ARSG: variants seen among roughly 807,000 people sequenced by gnomAD.
The protein encoded by ARSG is arylsulfatase G.
ARSG carries 37 observed loss-of-function variants against 50.5 expected under a neutral mutation model. The observed-to-expected ratio is 0.73, with a 90% CI of 0.56 to 0.96. The LOEUF (loss-of-function observed/expected upper bound fraction) is 0.96. ARSG is among the 50% of genes least tolerant of loss of function. ARSG has a pLI of 0.00. For synonymous variants in ARSG, 225 were observed against 254.6 expected, an observed-to-expected ratio of 0.88 and a Z score of 1.11; for missense variants, 629 against 675.3, an observed-to-expected ratio of 0.93 and a Z score of 0.76.
Position 68,271,872 on chromosome 17 carries a change from A to T in ARSG, c.-552+12446A>T, listed in dbSNP as rs1489366663. On this transcript the variant is annotated intron_variant, in intron 1 of 11. Transcript: ENST00000448504. This position sits in a 1 kb window ranked among gnomAD's most constrained non-coding sequence, Gnocchi z 5.3. ...GGCTGGAGTGCAGTGGCCTGATCTC[A>T]GCTCACCGCAACCTCCACCTCCCGG... Among the ~76,000 whole-genome samples, 1 of 152,090 alleles carries T rather than the reference A, an allele frequency of 6.6e-6. No individual in the cohort carries two copies. Among genetic ancestry groups the T allele is most frequent in the Non-Finnish European group, 1.5e-5 (1 of 68,022 alleles).
chr17:68,407,849 G>A (rs1243148574), intron 11 of ARSG, among the ~76,000 whole-genome samples: 7 of 151,904 alleles, frequency 4.6e-5, no homozygotes, highest in African/African-American at 1.7e-4. Flanking sequence ...CCCTTTTACT[G>A]ATTTGAATGC....
chr17:68,320,273 G>C (rs1300543630), intron 2 of ARSG, among the ~76,000 whole-genome samples: 1 of 151,214 alleles, frequency 6.6e-6, no homozygotes, highest in Admixed American at 6.6e-5. Context: ...CTAGGTGACA[G>C]AGCAAGACTC....
chr17:68,280,043 A>G (rs933584854), intron 1 of ARSG, among the ~76,000 whole-genome samples: 1 of 152,000 alleles, frequency 6.6e-6, no homozygotes, highest in African/African-American at 2.4e-5. Flanking sequence ...TTAGCTGGGC[A>G]TGGTGGCAGG....
At chr17:68,322,135 A>T (rs561240055) in intron 2 of ARSG, among the ~76,000 whole-genome samples, 1 of 152,216 alleles carries the variant, frequency 6.6e-6, no homozygotes, top group East Asian at 1.9e-4. Context: ...CGCTTAAGTG[A>T]TTACATGAAG....
chr17:68,341,650 T>TA, intron 2 of ARSG, among the ~76,000 whole-genome samples: 1 of 152,344 alleles, frequency 6.6e-6, no homozygotes, highest in African/African-American at 2.4e-5. Context: ...GGGTCTTAAT[T>TA]ACATGCCATT....
chr17:68,387,698 A>C (rs1429055235), intron 9 of ARSG, among the ~76,000 whole-genome samples: 1 of 152,176 alleles, frequency 6.6e-6, no homozygotes, highest in Non-Finnish European at 1.5e-5. Flanking sequence ...CTCCGCCCAG[A>C]CTGCATATCA....
At chr17:68,269,095 G>T (rs782170225) in intron 1 of ARSG, 3 of 1,526,682 alleles carry the variant, frequency 2.0e-6, no homozygotes, top group Non-Finnish European at 2.6e-6. Context: ...AAGAAAGTGT[G>T]TCATACCGGC....
intron 2 of ARSG, among the ~76,000 whole-genome samples, chr17:68,341,031 A>T (rs1049158034): frequency 6.6e-6 from 1 of 152,210 alleles, no homozygotes; most frequent in African/African-American, 2.4e-5. Flanking sequence ...ACCATATCAC[A>T]TAAAATCGTT....
At chr17:68,446,517 T>C in the ARSG span, among the ~76,000 whole-genome samples, 1 of 152,200 alleles carries the variant, frequency 6.6e-6, no homozygotes, top group South Asian at 2.1e-4. Flanking sequence ...GTCGTAGGTC[T>C]GAGACTGGGG....
chr17:68,303,637 A>T (rs1555762826), intron 1 of ARSG, among the ~76,000 whole-genome samples: 1 of 151,946 alleles, frequency 6.6e-6, no homozygotes, highest in Non-Finnish European at 1.5e-5. Flanking sequence ...TTTAGTAGAG[A>T]TGGGGCTTCA....
chr17:68,314,566 G>A (rs1599681788), intron 2 of ARSG, among the ~76,000 whole-genome samples: 1 of 151,430 alleles, frequency 6.6e-6, no homozygotes, highest in South Asian at 2.1e-4. Flanking sequence ...TGTAAACCAG[G>A]TGTGGTGTTG....
At chr17:68,397,045 C>T (rs539290501) in intron 10 of ARSG, among the ~76,000 whole-genome samples, 2 of 152,190 alleles carry the variant, frequency 1.3e-5, no homozygotes, top group South Asian at 4.1e-4. Flanking sequence ...CTGTGCTCTC[C>T]TTGACGTTGT....
At chr17:68,397,528 C>G (rs904267201) in intron 10 of ARSG, among the ~76,000 whole-genome samples, 4 of 152,100 alleles carry the variant, frequency 2.6e-5, no homozygotes, top group Non-Finnish European at 4.4e-5. Flanking sequence ...TCAGTCCTCT[C>G]TATCAAAGCA....
intron 1 of ARSG, among the ~76,000 whole-genome samples, chr17:68,279,651 A>G (rs1555752116): frequency 6.6e-6 from 1 of 152,212 alleles, no homozygotes; most frequent in Admixed American, 6.5e-5. Flanking sequence ...AATAAACATC[A>G]GAACAAGCCA....
the ARSG span, among the ~76,000 whole-genome samples, chr17:68,449,528 C>T: frequency 3.9e-5 from 6 of 152,184 alleles, no homozygotes; most frequent in Admixed American, 2.0e-4. Flanking sequence ...AGGAAGGTGG[C>T]AGAGTTCTTA....
chr17:68,397,848 C>T (rs892183724), intron 10 of ARSG, among the ~76,000 whole-genome samples: 3 of 152,146 alleles, frequency 2.0e-5, no homozygotes, highest in African/African-American at 7.2e-5. Flanking sequence ...CTCACTGCAA[C>T]CTCCACCTCC....
chr17:68,281,116 ACT>A (rs1457779458), intron 1 of ARSG, among the ~76,000 whole-genome samples: 3 of 144,330 alleles, frequency 2.1e-5, no homozygotes, highest in East Asian at 4.1e-4. Context: ...ACAGAAGGAG[ACT>A]CTGCCTCCAA....
chr17:68,288,494 T>G (rs965991), upstream of ARSG, among the ~76,000 whole-genome samples: 54,638 of 151,946 alleles, frequency 0.36, 9,948 homozygotes, highest in Admixed American at 0.39. Flanking sequence ...TTTTCAGCTG[T>G]GTAGGGATCT....
intron 2 of ARSG, among the ~76,000 whole-genome samples, chr17:68,322,415 T>G (rs959031493): frequency 3.9e-5 from 6 of 151,948 alleles, no homozygotes; most frequent in African/African-American, 1.2e-4. Context: ...GATCACAAGG[T>G]CAAGAGATCG....
Sources: gnomAD v4.1 joint callset for allele counts (sites outside exome capture counted in the v4.1 genomes callset) on GRCh38, gnomAD v4.1.1 for gene constraint, Gnocchi (gnomAD v3.1) non-coding constraint, MANE v1.5 for transcripts, NCBI Gene and HGNC (gene_info 2026-07-23, HGNC 2026-07-21) for gene names.